The following ADGRL3 variants were observed in gnomAD, a reference collection of about 807,000 sequenced individuals.
The protein encoded by ADGRL3 is calcium-independent alpha-latrotoxin receptor 3.
A neutral mutation model predicts 153.5 loss-of-function variants in ADGRL3; 62 were observed. The observed-to-expected ratio is 0.40, with a 90% CI of 0.33 to 0.50. The LOEUF (loss-of-function observed/expected upper bound fraction) is 0.50, where lower values mean the gene tolerates loss of function less well. ADGRL3 is among the 20% of genes least tolerant of loss of function. The pLI is 0.47. For synonymous variants in ADGRL3, 710 were observed against 672.5 expected (o/e 1.06, Z -0.86); for missense variants, 1,641 against 1,859.4 (o/e 0.88, Z 2.16).
At chr4:61,933,052 T>G (rs2098824180) in intron 13 of ADGRL3, among the ~76,000 whole-genome samples, 1 of 151,618 alleles carries the variant, frequency 6.6e-6, no homozygotes, top group South Asian at 2.1e-4. Flanking sequence ...TCCCCTTAGG[T>G]AAGATTTTAA....
intron 2 of ADGRL3, among the ~76,000 whole-genome samples, chr4:61,486,804 A>C (rs965834608): frequency 6.6e-6 from 1 of 152,172 alleles, no homozygotes; most frequent in African/African-American, 2.4e-5. Context: ...TAAAAAGCAC[A>C]TGCTTGCCTT....
chr4:61,554,440 C>T (rs1023723728), intron 4 of ADGRL3, among the ~76,000 whole-genome samples: 1 of 152,062 alleles, frequency 6.6e-6, no homozygotes, highest in African/African-American at 2.4e-5. Flanking sequence ...AAATGATCCA[C>T]CCGCCTCGGC....
intron 25 of ADGRL3, among the ~76,000 whole-genome samples, chr4:62,062,470 G>A (rs1740737267): frequency 6.6e-6 from 1 of 151,912 alleles, no homozygotes; most frequent in South Asian, 2.1e-4. Context: ...ATACCTGTCA[G>A]TTCAACATGA....
chr4:61,249,844 G>A (rs187560576), intron 1 of ADGRL3, among the ~76,000 whole-genome samples: 2 of 152,108 alleles, frequency 1.3e-5, no homozygotes, highest in Non-Finnish European at 2.9e-5. Context: ...GAGGATTAAG[G>A]GGGATACTGC....
rs182377944 is a variant in ADGRL3 at position 61,882,903 on chromosome 4, A to C, written c.1481-9753A>C. Reference sequence around the variant, plus strand: ...GTGGATTGCTTGAGGTCAGGAGTTCAAGACCAGCCTGACCAACATGGTGAA... The same window carrying C: ...GTGGATTGCTTGAGGTCAGGAGTTCCAGACCAGCCTGACCAACATGGTGAA... On this transcript the variant is annotated intron_variant, in intron 9 of 26. Transcript: ENST00000683033. Among the ~76,000 whole-genome samples, 39 of 152,216 alleles carry C rather than the reference A, an allele frequency of 2.6e-4. No individual in the cohort carries two copies. In the East Asian group the frequency reaches 7.6e-3, roughly 29 times the overall value.
At chr4:61,748,751 A>T (rs553959659) in intron 8 of ADGRL3, among the ~76,000 whole-genome samples, 14 of 152,292 alleles carry the variant, frequency 9.2e-5, no homozygotes, top group African/African-American at 3.4e-4. Context: ...TAAAATCATA[A>T]AAACCCTAGA....
chr4:61,228,048 A>G (rs564197169), intron 1 of ADGRL3, among the ~76,000 whole-genome samples: 8 of 152,354 alleles, frequency 5.3e-5, no homozygotes, highest in Admixed American at 5.2e-4. Context: ...TTTAACATTC[A>G]TACAGTTCTA....
intron 5 of ADGRL3, among the ~76,000 whole-genome samples, chr4:61,608,953 T>C (rs2099043062): frequency 6.6e-6 from 1 of 152,188 alleles, no homozygotes; most frequent in Non-Finnish European, 1.5e-5. Flanking sequence ...AATTGCTTGC[T>C]TAAGATTAAG....
intron 5 of ADGRL3, among the ~76,000 whole-genome samples, chr4:61,605,733 T>C (rs1205145615): frequency 1.3e-5 from 2 of 152,202 alleles, no homozygotes; most frequent in African/African-American, 4.8e-5. Flanking sequence ...AAGTGACACA[T>C]ATCCATGGTT....
intron 1 of ADGRL3, among the ~76,000 whole-genome samples, chr4:61,268,749 A>G (rs2092995498): frequency 6.6e-6 from 1 of 151,616 alleles, no homozygotes; most frequent in Non-Finnish European, 1.5e-5. Context: ...GTAATGCATC[A>G]TTTGATTGAT....
At chr4:61,811,665 A>G (rs994277457) in intron 8 of ADGRL3, among the ~76,000 whole-genome samples, 14 of 152,284 alleles carry the variant, frequency 9.2e-5, no homozygotes, top group African/African-American at 3.4e-4. Context: ...ATATATACAT[A>G]TGGATGTAGT....
intron 13 of ADGRL3, among the ~76,000 whole-genome samples, chr4:61,918,823 T>G (rs966893126): frequency 2.6e-5 from 4 of 152,316 alleles, no homozygotes; most frequent in East Asian, 3.9e-4. Flanking sequence ...CCCATTCTTT[T>G]CAACTTTTTT....
At chr4:61,368,526 A>T (rs1186997760) in intron 1 of ADGRL3, among the ~76,000 whole-genome samples, 1 of 152,036 alleles carries the variant, frequency 6.6e-6, no homozygotes, top group African/African-American at 2.4e-5. Context: ...TTTGTCAAAG[A>T]TCAGATAGTT....
chr4:61,584,928 A>T (rs978783880), intron 4 of ADGRL3, among the ~76,000 whole-genome samples: 1 of 152,036 alleles, frequency 6.6e-6, no homozygotes, highest in Non-Finnish European at 1.5e-5. Flanking sequence ...AGATTTAAAT[A>T]AGCATCCAAT....
intron 4 of ADGRL3, among the ~76,000 whole-genome samples, chr4:61,561,430 C>T (rs2098794670): frequency 1.3e-5 from 2 of 152,056 alleles, no homozygotes; most frequent in African/African-American, 4.8e-5. Context: ...TTTATGTTTC[C>T]TGACAAAGCT....
chr4:61,335,077 C>T (rs1269269694), intron 1 of ADGRL3, among the ~76,000 whole-genome samples: 1 of 151,872 alleles, frequency 6.6e-6, no homozygotes, highest in African/African-American at 2.4e-5. Context: ...ATGATTTCTG[C>T]TTTTTTTGGA....
chr4:61,921,025 A>C (rs2076150576), intron 13 of ADGRL3, among the ~76,000 whole-genome samples: 1 of 152,060 alleles, frequency 6.6e-6, no homozygotes, highest in African/African-American at 2.4e-5. Context: ...TTTTACTGTA[A>C]TAAACTACCA....
intron 11 of ADGRL3, among the ~76,000 whole-genome samples, chr4:61,908,963 G>GA (rs1238649977): frequency 2.0e-5 from 3 of 152,044 alleles, no homozygotes; most frequent in African/African-American, 7.2e-5. Flanking sequence ...GAATGTACTT[G>GA]AAAAAATCAG....
chr4:62,057,267 C>G (rs905926634), intron 25 of ADGRL3, among the ~76,000 whole-genome samples: 1 of 152,080 alleles, frequency 6.6e-6, no homozygotes, highest in African/African-American at 2.4e-5. Context: ...CTGAACCATC[C>G]CAGACAGTGC....
Sources: allele counts gnomAD v4.1 joint callset (sites outside exome capture counted in the v4.1 genomes callset), GRCh38; gene constraint gnomAD v4.1.1; transcripts MANE v1.5; gene names NCBI Gene and HGNC (gene_info 2026-07-23, HGNC 2026-07-21).